The following DEPDC5 variants were observed in gnomAD, a reference collection of about 807,000 sequenced individuals.
The protein encoded by DEPDC5 is DEP domain containing 5, GATOR1 subcomplex subunit, also known as GATOR1 complex protein DEPDC5.
DEPDC5 carries 73 observed loss-of-function variants against 217.3 expected under a neutral mutation model. The ratio of observed to expected loss-of-function variants is 0.34; its 90% CI spans 0.28 to 0.41. The LOEUF is 0.41. Among genes scored for constraint, DEPDC5 ranks in the 10% least tolerant of loss-of-function variants. The pLI is 1.00. For synonymous variants in DEPDC5, 733 were observed against 756.7 expected (o/e 0.97, Z 0.51); for missense variants, 1,675 against 2,070.1 (o/e 0.81, Z 3.70).
At chr22:31,854,402 A>C (rs2092185251) in intron 31 of DEPDC5, among the ~76,000 whole-genome samples, 1 of 152,270 alleles carries the variant, frequency 6.6e-6, no homozygotes, top group African/African-American at 2.4e-5. Context: ...AACACACTGC[A>C]TTGTGATAGA....
chr22:31,828,169 G>A (rs2090298940), intron 24 of DEPDC5, among the ~76,000 whole-genome samples: 1 of 152,142 alleles, frequency 6.6e-6, no homozygotes. Flanking sequence ...AGTTCCTGGT[G>A]GCTGGGCACA....
intron 14 of DEPDC5, among the ~76,000 whole-genome samples, chr22:31,798,930 A>T (rs894842264): frequency 6.6e-6 from 1 of 152,232 alleles, no homozygotes; most frequent in African/African-American, 2.4e-5. Flanking sequence ...TAACAAAGCA[A>T]AAAGTCATGG....
intron 32 of DEPDC5, chr22:31,858,190 G>A (rs1239295501): frequency 2.0e-5 from 3 of 152,236 alleles, no homozygotes; most frequent in African/African-American, 4.8e-5. Context: ...GAAAGCTACT[G>A]AAGTAGCTTC....
chr22:31,811,505 T>A lies in DEPDC5; in HGVS notation c.1445+864T>A, dbSNP rs533841786. On this transcript the variant is annotated intron_variant, in intron 20 of 42. Coordinates refer to ENST00000651528, the MANE Select transcript of DEPDC5 (RefSeq NM_001242896.3). ...GGGCATGAACTTTTCTTTCTTTAAG[T>A]CCTGCTTTTAAAAATTTGCTCTGTG... is the stretch of plus-strand genomic sequence containing the variant. 3.9e-5 allele frequency among the ~76,000 whole-genome samples: 6 copies of A among 152,008 alleles called. No homozygotes were observed. In the South Asian group the frequency reaches 1.2e-3, roughly 31 times the overall value.
intron 21 of DEPDC5, chr22:31,815,761 A>T (rs2089022681): frequency 1.9e-5 from 22 of 1,156,432 alleles, no homozygotes; most frequent in Non-Finnish European, 2.4e-5. Context: ...GAACTCCTGG[A>T]CTCGAGGGAT....
chr22:31,825,306 A>G (rs534791059), intron 24 of DEPDC5, among the ~76,000 whole-genome samples: 2 of 152,332 alleles, frequency 1.3e-5, no homozygotes, highest in South Asian at 4.1e-4. Flanking sequence ...CATTTTAGGG[A>G]AAAGAAGTTT....
rs2091220662 is a variant in DEPDC5, at chr22:31,838,943, T to A, written c.2515+98T>A. ...AGGTAGTAGATAAATTTAGTAGTAATCGTTTTCGACATAGAAGTTTTCTTT... is the reference window on the plus strand; with the variant it reads ...AGGTAGTAGATAAATTTAGTAGTAAACGTTTTCGACATAGAAGTTTTCTTT... On this transcript the variant is annotated intron_variant, in intron 27 of 42. Coordinates refer to ENST00000651528, the MANE Select transcript of DEPDC5 (RefSeq NM_001242896.3). 4.5e-6 allele frequency: 6 copies of A among 1,321,822 alleles called. No homozygotes were observed. The South Asian group carries it at 9.7e-5, about 21-fold the overall frequency. 81.9% of individuals were successfully genotyped at this position (1,321,822 alleles called of 1,614,324 possible).
intron 27 of DEPDC5, 26 bp from the exon 28 acceptor site, chr22:31,843,069 G>A (rs1374257520): frequency 6.4e-7 from 1 of 1,553,250 alleles, no homozygotes; most frequent in South Asian, 1.1e-5. Flanking sequence ...TCAAACAGAT[G>A]GAGGAAATTA....
chr22:31,773,045 G>C (rs996371591), intron 7 of DEPDC5, among the ~76,000 whole-genome samples: 1 of 152,158 alleles, frequency 6.6e-6, no homozygotes, highest in Non-Finnish European at 1.5e-5. Context: ...GCCTCCAAAA[G>C]TGATGAGATT....
chr22:31,832,086 T>A (rs2090644068), intron 24 of DEPDC5, among the ~76,000 whole-genome samples: 1 of 152,240 alleles, frequency 6.6e-6, no homozygotes, highest in Admixed American at 6.5e-5. Flanking sequence ...TTCATCCACG[T>A]TGCCACGTGT....
chr22:31,795,278 C>T (rs1014626180), intron 12 of DEPDC5, among the ~76,000 whole-genome samples: 3 of 151,910 alleles, frequency 2.0e-5, no homozygotes, highest in Admixed American at 2.0e-4. Context: ...CCATCTTGGC[C>T]AGGCTGGTCT....
intron 10 of DEPDC5, among the ~76,000 whole-genome samples, chr22:31,786,863 C>T (rs1019337701): frequency 2.0e-5 from 3 of 151,884 alleles, no homozygotes; most frequent in African/African-American, 7.3e-5. Context: ...TCCCACCTGC[C>T]TCAATTCTCC....
chr22:31,847,992 G>A (rs575110399), intron 31 of DEPDC5, among the ~76,000 whole-genome samples: 4 of 152,300 alleles, frequency 2.6e-5, no homozygotes, highest in African/African-American at 4.8e-5. Context: ...GGAGAAATTG[G>A]CCAAAACAAA....
chr22:31,838,171 T>G (rs901466757), intron 26 of DEPDC5, among the ~76,000 whole-genome samples: 3 of 152,256 alleles, frequency 2.0e-5, no homozygotes, highest in Admixed American at 1.3e-4. Flanking sequence ...TGATCTTCTT[T>G]TCTAAAATTA....
chr22:31,794,701 A>T (rs145864437), intron 12 of DEPDC5, among the ~76,000 whole-genome samples: 93 of 152,206 alleles, frequency 6.1e-4, no homozygotes, highest in Non-Finnish European at 9.6e-4. Flanking sequence ...CCAGTGCACC[A>T]TGGAAAACCC....
intron 35 of DEPDC5, 156 bp from the exon 36 acceptor site, chr22:31,874,117 C>G: frequency 8.3e-7 from 1 of 1,207,576 alleles, no homozygotes; most frequent in Non-Finnish European, 1.1e-6. Flanking sequence ...CTTTTGTCCT[C>G]TCATGGGTGT....
At position 31,906,157 on chromosome 22, in the gene DEPDC5, A is replaced by G. The variant is rs538234997; in HGVS notation, c.4520-48A>G. The G allele has an allele frequency of 1.3e-5, 21 of 1,612,982 alleles. No individual in the cohort carries two copies. The South Asian group carries it at 2.3e-4, about 18-fold the overall frequency. On this transcript the variant is annotated intron_variant, in intron 42 of 42. Coordinates refer to ENST00000651528, the MANE Select transcript of DEPDC5 (RefSeq NM_001242896.3). The surrounding 1 kb of genome is among the most constrained non-coding windows in gnomAD (Gnocchi z 5.1). ...CTGCAGAACCACCTCAGCAGGCTCC[A>G]GGAGCCCTCCTGGTGGCTGCCACAC...
chr22:31,874,237 C>T, intron 35 of DEPDC5, 36 bp from the exon 36 acceptor site: 1 of 1,592,538 alleles, frequency 6.3e-7, no homozygotes, highest in Non-Finnish European at 8.6e-7. Context: ...GGGGCACACA[C>T]ATCCCCTGCT....
intron 38 of DEPDC5, among the ~76,000 whole-genome samples, chr22:31,888,669 C>T (rs981279989): frequency 2.6e-5 from 4 of 152,206 alleles, no homozygotes; most frequent in African/African-American, 9.7e-5. Context: ...CCTGCCTCAG[C>T]CTCCCAAGTG....
Sources: allele counts gnomAD v4.1 joint callset (sites outside exome capture counted in the v4.1 genomes callset), GRCh38; gene constraint gnomAD v4.1.1; non-coding constraint Gnocchi (gnomAD v3.1); transcripts MANE v1.5; gene names NCBI Gene and HGNC (gene_info 2026-07-23, HGNC 2026-07-21).